The following FANCA variants were observed in gnomAD, a reference collection of about 807,000 sequenced individuals.
The protein encoded by FANCA is FA complementation group A.
FANCA carries 236 observed loss-of-function variants against 194.3 expected under a neutral mutation model. That is an observed-to-expected ratio of 1.21 (90% CI 1.09 to 1.35). The LOEUF (loss-of-function observed/expected upper bound fraction) is 1.35, where lower values mean the gene tolerates loss of function less well. Ranked by LOEUF, FANCA falls within the 40% of genes most tolerant of loss-of-function variation. The probability of loss-of-function intolerance (pLI) is 0.00; values close to 1 mark genes in which losing one functional copy is unlikely to be tolerated. For synonymous variants in FANCA, 1,014 were observed against 715.8 expected (o/e 1.42, Z -6.65); for missense variants, 2,628 against 1,813.9 (o/e 1.45, Z -8.15).
chr16:89,810,492 T>C (rs1424137825), intron 5 of FANCA: 1 of 562,636 alleles, frequency 1.8e-6, no homozygotes, highest in Non-Finnish European at 3.2e-6. Context: ...CTAATAAATA[T>C]TACTAATGAT....
Position 89,762,025 on chromosome 16 carries a change from G to A in FANCA, c.2779-3C>T. ...TGTAACCAGTCTTGGTAAGTTAACT[G>A]AGAAAGAGAGCAAGCAATTCAATAC... is the stretch of plus-strand genomic sequence containing the variant. On this transcript the variant is annotated splice_polypyrimidine_tract_variant and splice_region_variant and intron_variant, in intron 28 of 42. Coordinates refer to ENST00000389301, the MANE Select transcript of FANCA (RefSeq NM_000135.4). 1 of 1,610,958 alleles carries A rather than the reference G, an allele frequency of 6.2e-7. No individual in the cohort carries two copies. Among genetic ancestry groups the A allele is most frequent in the South Asian group, 1.1e-5 (1 of 91,020 alleles).
intron 14 of FANCA, chr16:89,791,023 GTTTTTT>G (rs11355118): frequency 1.0e-3 from 97 of 94,590 alleles, no homozygotes; most frequent in East Asian, 2.1e-3. Context: ...GTGTGTGTGT[GTTTTTT>G]TTTTTTTTTT....
At position 89,746,422 on chromosome 16, in the gene FANCA, G is replaced by C. The variant is rs74033853; in HGVS notation, c.3513+162C>G. ...AACTCAGGATGTGCGGCCCTCATCTGCTATGAGCTGGCATCTTTAACTGTG... is the reference window on the plus strand; with the variant it reads ...AACTCAGGATGTGCGGCCCTCATCTCCTATGAGCTGGCATCTTTAACTGTG... On this transcript the variant is annotated intron_variant, in intron 35 of 42. Coordinates refer to ENST00000389301, the MANE Select transcript of FANCA (RefSeq NM_000135.4). 7.6e-3 allele frequency among the ~76,000 whole-genome samples: 1,142 copies of C among 151,178 alleles called. 14 individuals are homozygous for C. Among genetic ancestry groups the C allele is most frequent in the African/African-American group, 0.027 (1,091 of 40,780 alleles).
rs539995229 is a variant in FANCA at position 89,739,679 on chromosome 16, C to T, written c.3935-126G>A. ...GGCTGTGGGGATAGTGTGGGGCGAA[C>T]AGCCTGAGCTGAGGATACCCAGGTA... On this transcript the variant is annotated intron_variant, in intron 39 of 42. Coordinates refer to ENST00000389301, the MANE Select transcript of FANCA (RefSeq NM_000135.4). 8.1e-5 allele frequency: 122 copies of T among 1,515,270 alleles called. 2 individuals are homozygous for T. The South Asian group carries it at 1.4e-3, about 17-fold the overall frequency. The allele number at this position is 1,515,270 out of a possible 1,614,324, so 93.9% of individuals were successfully genotyped here.
intron 14 of FANCA, among the ~76,000 whole-genome samples, chr16:89,785,725 A>G (rs8046243): frequency 0.52 from 79,538 of 151,842 alleles, 22,932 homozygotes; most frequent in East Asian, 0.98. Context: ...AGCTCCTGCC[A>G]CCCTAGCCCC....
rs76530642 is a variant in FANCA at position 89,805,926 on chromosome 16, T to C, written c.597-534A>G. 5.9e-5 allele frequency among the ~76,000 whole-genome samples: 9 copies of C among 152,126 alleles called. No homozygotes were observed. In the East Asian group the frequency reaches 7.7e-4, roughly 13 times the overall value. On this transcript the variant is annotated intron_variant, in intron 6 of 42. Coordinates refer to ENST00000389301, the MANE Select transcript of FANCA (RefSeq NM_000135.4). ...TTTTATGGCCTGAACCTTTTTTTTTTCTCTTGAAACAGTTTTGCTCTTGTC... is the reference window on the plus strand; with the variant it reads ...TTTTATGGCCTGAACCTTTTTTTTTCCTCTTGAAACAGTTTTGCTCTTGTC...
Position 89,738,096 on chromosome 16 carries a change from G to A in FANCA, c.*505C>T, listed in dbSNP as rs1468130084. On this transcript the variant is annotated 3_prime_UTR_variant, in exon 43 of 43. Coordinates refer to ENST00000389301, the MANE Select transcript of FANCA (RefSeq NM_000135.4). ...ACCAGTGTGGCCGGCGGTTTGAGAA[G>A]GCCCACAACCTCAATGTACACATGT... The A allele has an allele frequency of 6.2e-7, 1 of 1,614,030 alleles. No individual in the cohort carries two copies. Among genetic ancestry groups the A allele is most frequent in the South Asian group, 1.1e-5 (1 of 91,086 alleles).
intron 8 of FANCA, among the ~76,000 whole-genome samples, chr16:89,801,383 G>C (rs963022478): frequency 6.6e-6 from 1 of 150,810 alleles, no homozygotes; most frequent in Admixed American, 6.6e-5. Context: ...TAATCATCAG[G>C]GAAATACAAG....
rs1190249218 is a variant in FANCA at position 89,737,628 on chromosome 16, A to T, written c.*973T>A. On this transcript the variant is annotated 3_prime_UTR_variant, in exon 43 of 43. Transcript: ENST00000389301. Reference sequence around the variant, plus strand: ...CTGATGAAGCCACGTGACAGTGTATAAAGCAGTTTAAAGATCTTAATAAAC... The same window carrying T: ...CTGATGAAGCCACGTGACAGTGTATTAAGCAGTTTAAAGATCTTAATAAAC... The T allele has an allele frequency of 4.1e-6, 5 of 1,229,142 alleles. No homozygotes were observed. The highest frequency in any genetic ancestry group is 5.5e-6 in the Non-Finnish European group (5 of 908,724). The allele number at this position is 1,229,142 out of a possible 1,614,324, so 76.1% of individuals were successfully genotyped here. A position where few individuals can be genotyped will look rare whatever the true frequency, so the allele number is the denominator to read the frequency against.
At chr16:89,814,450 T>C in intron 3 of FANCA, 70 bp downstream of exon 3, 1 of 1,217,328 alleles carries the variant, frequency 8.2e-7, no homozygotes, top group Non-Finnish European at 1.2e-6. Context: ...CTACTTAATT[T>C]AGCAAACTAT....
chr16:89,762,796 A>G (rs2038995998), intron 28 of FANCA: 1 of 447,502 alleles, frequency 2.2e-6, no homozygotes, highest in African/African-American at 2.0e-5. Context: ...ATGACCAGCT[A>G]AGTTTTTTAA....
intron 2 of FANCA, 119 bp from the exon 3 acceptor site, chr16:89,814,732 A>G (rs1205376291): frequency 6.9e-6 from 5 of 721,962 alleles, no homozygotes; most frequent in Admixed American, 3.9e-5. Context: ...CACGAGGTCA[A>G]GAGTTCGAGA....
intron 14 of FANCA, among the ~76,000 whole-genome samples, chr16:89,788,372 A>G (rs1449678859): frequency 6.6e-6 from 1 of 152,042 alleles, no homozygotes; most frequent in Non-Finnish European, 1.5e-5. Context: ...GAAACAGGAG[A>G]ATCGCTTGAA....
At chr16:89,742,269 G>A (rs2062152280) in intron 37 of FANCA, among the ~76,000 whole-genome samples, 3 of 151,934 alleles carry the variant, frequency 2.0e-5, no homozygotes, top group African/African-American at 2.4e-5. Flanking sequence ...GAGCCACCAT[G>A]CCTGGACTAC....
At chr16:89,778,180 AGGCCAGGAGC>A (rs1311421327) in intron 20 of FANCA, among the ~76,000 whole-genome samples, 1 of 146,790 alleles carries the variant, frequency 6.8e-6, no homozygotes, top group Non-Finnish European at 1.5e-5. Flanking sequence ...AAAAAAAAAA[AGGCCAGGAGC>A]GGTGGCTCAC....
At chr16:89,742,322 G>C (rs1304246573) in intron 37 of FANCA, among the ~76,000 whole-genome samples, 2 of 152,042 alleles carry the variant, frequency 1.3e-5, no homozygotes, top group Admixed American at 1.3e-4. Flanking sequence ...GCCGGGCATG[G>C]TGGCACACAC....
At position 89,770,556 on chromosome 16, in the gene FANCA, G is replaced by A. The variant is rs745775730; in HGVS notation, c.2222+8C>T. The A allele has an allele frequency of 4.4e-6, 7 of 1,603,292 alleles. No individual in the cohort carries two copies. The highest frequency in any genetic ancestry group is 3.4e-5 in the Admixed American group (2 of 58,746). On this transcript the variant is annotated splice_region_variant and intron_variant, in intron 24 of 42. Transcript: ENST00000389301. The stretch of plus-strand genomic sequence containing the variant: ...CCCCACCACTCAGGGAGCTGCCCGC[G>A]CCTTCACCTCTCCGGGGGAGCGACA...
chr16:89,773,195 G>A lies in FANCA; in HGVS notation c.2014+76C>T, dbSNP rs1846522780. ...CACACCAGCCTGATGTCACTATGGG[G>A]AAAATGGCCCAGCCACAGAGCTCCA... On this transcript the variant is annotated intron_variant, in intron 22 of 42. Coordinates refer to ENST00000389301, the MANE Select transcript of FANCA (RefSeq NM_000135.4). 4.3e-6 allele frequency: 5 copies of A among 1,170,976 alleles called. No homozygotes were observed. The South Asian group carries it at 5.2e-5, about 12-fold the overall frequency. 72.5% of individuals were successfully genotyped at this position (1,170,976 alleles called of 1,614,324 possible).
In FANCA at chr16:89,752,169, G is replaced by T; in HGVS notation, c.3035C>A (p.Thr1012Lys). The change falls in exon 31 of 43, where the codon ACA becomes AAA. Residue 1012 changes from threonine to lysine, a missense_variant. Coordinates refer to ENST00000389301, the MANE Select transcript of FANCA (RefSeq NM_000135.4). Reference sequence around the variant, plus strand: ...TCTGGAAATAATATCCTCATTTCCTGTGCGGCCACCAAAGACCAAATCAGA... The same window carrying T: ...TCTGGAAATAATATCCTCATTTCCTTTGCGGCCACCAAAGACCAAATCAGA... ...ENSDLVFGGR[T>K]GNEDIISRLQ... The T allele has an allele frequency of 6.2e-7, 1 of 1,614,104 alleles. No homozygotes were observed. The highest frequency in any genetic ancestry group is 8.5e-7 in the Non-Finnish European group (1 of 1,180,006).
Sources: allele counts gnomAD v4.1 joint callset (sites outside exome capture counted in the v4.1 genomes callset), GRCh38; gene constraint gnomAD v4.1.1; transcripts MANE v1.5; gene names NCBI Gene and HGNC (gene_info 2026-07-23, HGNC 2026-07-21).